SLX4IP: variants seen among roughly 807,000 people sequenced by gnomAD.
SLX4IP encodes the protein protein SLX4IP.
Under a neutral mutation model 32.9 loss-of-function variants are expected in SLX4IP, and 34 were observed. That is an observed-to-expected ratio of 1.03 (90% CI 0.79 to 1.38). The LOEUF (loss-of-function observed/expected upper bound fraction) is 1.38. Ranked by LOEUF, SLX4IP falls within the 40% of genes most tolerant of loss-of-function variation. The probability of loss-of-function intolerance (pLI) is 0.00; values close to 1 mark genes in which losing one functional copy is unlikely to be tolerated. For missense variants in SLX4IP, 444 were observed against 479.0 expected, an observed-to-expected ratio of 0.93 and a Z score of 0.68; for synonymous variants, 172 against 171.7, an observed-to-expected ratio of 1.00 and a Z score of -0.01.
At chr20:10,501,678 C>G (rs2065720225) in intron 2 of SLX4IP, among the ~76,000 whole-genome samples, 1 of 152,276 alleles carries the variant, frequency 6.6e-6, no homozygotes, top group South Asian at 2.1e-4. Flanking sequence ...AGATGGCAGT[C>G]ATGCCAGATG....
rs552525177 is a variant in SLX4IP, at chr20:10,455,554, T to C, written c.-29-2622T>C. Among the ~76,000 whole-genome samples, 480 of 152,114 alleles carry C rather than the reference T, an allele frequency of 3.2e-3. 3 individuals are homozygous for C. The highest frequency in any genetic ancestry group is 0.011 in the African/African-American group (443 of 41,524). On this transcript the variant is annotated intron_variant, in intron 1 of 7. Coordinates refer to ENST00000334534, the MANE Select transcript of SLX4IP (RefSeq NM_001009608.3). ...AAATTTAAGGATCTATTTCTATCAA[T>C]TTTATTCCAATTGACCTGTATGTCT...
At chr20:10,575,759 T>A (rs2122519774) in intron 4 of SLX4IP, among the ~76,000 whole-genome samples, 1 of 152,248 alleles carries the variant, frequency 6.6e-6, no homozygotes, top group East Asian at 1.9e-4. Flanking sequence ...TTTTAATTTT[T>A]TTTTTTTCCT....
rs539206725 is a variant in SLX4IP at position 10,455,512 on chromosome 20, G to A, written c.-29-2664G>A. On this transcript the variant is annotated intron_variant, in intron 1 of 7. Coordinates refer to ENST00000334534, the MANE Select transcript of SLX4IP (RefSeq NM_001009608.3). ...ATCAAGTTATCTTAGTACCCTTGTT[G>A]AAAATCAATTGAACATAAATTTAAG... Among the ~76,000 whole-genome samples, 11 of 152,046 alleles carry A rather than the reference G, an allele frequency of 7.2e-5. No individual in the cohort carries two copies. The South Asian group carries it at 1.0e-3, about 14-fold the overall frequency.
intron 2 of SLX4IP, among the ~76,000 whole-genome samples, chr20:10,499,315 T>G (rs1400563518): frequency 6.6e-6 from 1 of 152,204 alleles, no homozygotes; most frequent in East Asian, 1.9e-4. Context: ...AATATGCATA[T>G]GCACACAACA....
At chr20:10,600,253 T>C (rs935839396) in intron 5 of SLX4IP, among the ~76,000 whole-genome samples, 1 of 152,026 alleles carries the variant, frequency 6.6e-6, no homozygotes, top group African/African-American at 2.4e-5. Flanking sequence ...CCACATGGGG[T>C]CAAAGTTGAA....
intron 4 of SLX4IP, among the ~76,000 whole-genome samples, chr20:10,580,356 G>T (rs994876252): frequency 1.3e-5 from 2 of 151,988 alleles, no homozygotes; most frequent in Non-Finnish European, 2.9e-5. Flanking sequence ...TTTTTGCACA[G>T]ATATGAATGC....
chr20:10,590,492 C>G (rs1277540054), intron 4 of SLX4IP, among the ~76,000 whole-genome samples: 1 of 151,942 alleles, frequency 6.6e-6, no homozygotes, highest in Non-Finnish European at 1.5e-5. Context: ...TCCGGAGTAG[C>G]TGGGATTACA....
At chr20:10,606,907 A>G (rs532409652) in intron 6 of SLX4IP, among the ~76,000 whole-genome samples, 21 of 151,904 alleles carry the variant, frequency 1.4e-4, no homozygotes, top group East Asian at 9.7e-4. Flanking sequence ...AAGGAAAGTA[A>G]CTCTCAGTGA....
intron 5 of SLX4IP, 144 bp from the exon 6 acceptor site, chr20:10,601,587 G>C: frequency 1.5e-6 from 1 of 645,962 alleles, no homozygotes; most frequent in Non-Finnish European, 2.7e-6. Context: ...GGCAAACACC[G>C]AAAGGATGGG....
intron 2 of SLX4IP, among the ~76,000 whole-genome samples, chr20:10,517,849 G>A (rs2065862888): frequency 6.6e-6 from 1 of 152,144 alleles, no homozygotes; most frequent in South Asian, 2.1e-4. Context: ...ATTAGTTTCA[G>A]CCTTTGTCAA....
At chr20:10,465,492 A>G (rs979428591) in intron 2 of SLX4IP, among the ~76,000 whole-genome samples, 3 of 152,160 alleles carry the variant, frequency 2.0e-5, no homozygotes, top group African/African-American at 4.8e-5. Flanking sequence ...GTATACAAAT[A>G]TATCTTTTAT....
chr20:10,517,372 G>A (rs942775229), intron 2 of SLX4IP, among the ~76,000 whole-genome samples: 4 of 152,366 alleles, frequency 2.6e-5, no homozygotes, highest in African/African-American at 9.6e-5. Flanking sequence ...GCCAGAACGT[G>A]ATGTAGGGTG....
intron 4 of SLX4IP, among the ~76,000 whole-genome samples, chr20:10,569,493 A>T (rs2066436731): frequency 6.6e-6 from 1 of 151,846 alleles, no homozygotes; most frequent in Middle Eastern, 3.2e-3. Flanking sequence ...TTCCTGTTAT[A>T]CAGTGTATTG....
intron 1 of SLX4IP, among the ~76,000 whole-genome samples, chr20:10,435,717 G>C (rs369351216): frequency 6.6e-6 from 1 of 152,168 alleles, no homozygotes; most frequent in South Asian, 2.1e-4. Context: ...GATGGGCCAG[G>C]TATTTGTATC....
intron 2 of SLX4IP, among the ~76,000 whole-genome samples, chr20:10,479,834 C>T (rs6077814): frequency 0.39 from 58,763 of 150,422 alleles, 11,641 homozygotes; most frequent in Non-Finnish European, 0.43. Flanking sequence ...TGAAACCCCG[C>T]CTCTACTAAA....
chr20:10,567,625 G>T (rs954467922), intron 4 of SLX4IP, among the ~76,000 whole-genome samples: 1 of 152,056 alleles, frequency 6.6e-6, no homozygotes, highest in Admixed American at 6.5e-5. Context: ...ACTAAGACAG[G>T]GCTCTTTGGA....
intron 3 of SLX4IP, 123 bp from the exon 4 acceptor site, chr20:10,560,577 C>A: frequency 1.3e-6 from 1 of 757,674 alleles, no homozygotes; most frequent in Non-Finnish European, 1.9e-6. Flanking sequence ...ACATTCCTTT[C>A]AACATTCACA....
intron 6 of SLX4IP, among the ~76,000 whole-genome samples, chr20:10,604,059 A>G (rs1193199448): frequency 6.6e-6 from 1 of 152,204 alleles, no homozygotes; most frequent in African/African-American, 2.4e-5. Flanking sequence ...ACAGCCAGTG[A>G]TGTCAGGCTC....
chr20:10,465,798 G>A (rs534429176), intron 2 of SLX4IP, among the ~76,000 whole-genome samples: 1 of 152,352 alleles, frequency 6.6e-6, no homozygotes, highest in African/African-American at 2.4e-5. Context: ...GAGCCACTGT[G>A]CCCGGCCTAC....
Sources: gnomAD v4.1 joint callset for allele counts (sites outside exome capture counted in the v4.1 genomes callset) on GRCh38, gnomAD v4.1.1 for gene constraint, MANE v1.5 for transcripts, NCBI Gene and HGNC (gene_info 2026-07-23, HGNC 2026-07-21) for gene names.